Variants in SCHIP1 observed in about 807,000 individuals in gnomAD.
The protein encoded by SCHIP1 is schwannomin interacting protein 1, also known as schwannomin-interacting protein 1.
Under a neutral mutation model 29.7 loss-of-function variants are expected in SCHIP1, and 8 were observed. The ratio of observed to expected loss-of-function variants is 0.27; its 90% CI spans 0.16 to 0.49. The LOEUF (loss-of-function observed/expected upper bound fraction) is 0.49. Ranked by LOEUF, SCHIP1 falls within the 20% of genes least tolerant of loss-of-function variation. SCHIP1 has a pLI of 0.99. For missense variants in SCHIP1, 193 were observed against 294.6 expected (o/e 0.66, Z 2.52); for synonymous variants, 76 against 94.9 (o/e 0.80, Z 1.16).
chr3:159,465,016 A>C, the SCHIP1 span, among the ~76,000 whole-genome samples: 1 of 152,134 alleles, frequency 6.6e-6, no homozygotes, highest in African/African-American at 2.4e-5. Context: ...TCCTTCCTGC[A>C]TGAAAGCAGT....
the SCHIP1 span, among the ~76,000 whole-genome samples, chr3:159,736,696 C>T: frequency 2.6e-5 from 4 of 151,440 alleles, no homozygotes; most frequent in African/African-American, 9.7e-5. Flanking sequence ...GCACTGGGGA[C>T]GTTCTCCCCA....
chr3:159,418,115 A>G, the SCHIP1 span, among the ~76,000 whole-genome samples: 1,356 of 152,342 alleles, frequency 8.9e-3, 15 homozygotes, highest in African/African-American at 0.032. Flanking sequence ...GTAGGTAACT[A>G]ATACGTATGT....
chr3:159,509,287 C>G, the SCHIP1 span, among the ~76,000 whole-genome samples: 1 of 152,294 alleles, frequency 6.6e-6, no homozygotes, highest in South Asian at 2.1e-4. Context: ...ACTAGGATTG[C>G]AACCCCTGCC....
At chr3:159,746,499 A>G in the SCHIP1 span, among the ~76,000 whole-genome samples, 1 of 152,110 alleles carries the variant, frequency 6.6e-6, no homozygotes, top group Non-Finnish European at 1.5e-5. Context: ...TATACTGCTG[A>G]CTGTCTGGCA....
At chr3:159,808,330 C>T in the SCHIP1 span, 1 of 152,218 alleles carries the variant, frequency 6.6e-6, no homozygotes, top group Non-Finnish European at 1.5e-5. Context: ...TCCCCTCTAC[C>T]TTACTAACAG....
the SCHIP1 span, among the ~76,000 whole-genome samples, chr3:159,785,422 G>T: frequency 2.0e-5 from 3 of 152,082 alleles, no homozygotes; most frequent in Non-Finnish European, 4.4e-5. Context: ...CATGTTATCG[G>T]GAGATGGAAT....
chr3:159,593,160 G>A, the SCHIP1 span, among the ~76,000 whole-genome samples: 378 of 152,206 alleles, frequency 2.5e-3, no homozygotes, highest in Non-Finnish European at 4.3e-3. Flanking sequence ...AAGAGATCCT[G>A]GCACTTAGTA....
chr3:159,528,433 C>T, the SCHIP1 span, among the ~76,000 whole-genome samples: 10 of 152,268 alleles, frequency 6.6e-5, no homozygotes, highest in African/African-American at 2.4e-4. Flanking sequence ...GGAAAAAGGG[C>T]CAGCTGCTGC....
At chr3:159,626,166 ATATATCTATC>A in the SCHIP1 span, among the ~76,000 whole-genome samples, 2 of 111,664 alleles carry the variant, frequency 1.8e-5, no homozygotes, top group African/African-American at 1.3e-4. Flanking sequence ...ATATATCTAG[ATATATCTATC>A]TATCTAGATA....
chr3:159,732,429 C>G, the SCHIP1 span, among the ~76,000 whole-genome samples: 1 of 152,246 alleles, frequency 6.6e-6, no homozygotes, highest in Non-Finnish European at 1.5e-5. Flanking sequence ...GTTCCCAAAC[C>G]TTCTCTCCGC....
chr3:159,318,601 T>C, the SCHIP1 span, among the ~76,000 whole-genome samples: 1 of 152,146 alleles, frequency 6.6e-6, no homozygotes, highest in African/African-American at 2.4e-5. Flanking sequence ...AGTTTTCTCT[T>C]CCTCTGTCAA....
At chr3:159,546,915 A>G in the SCHIP1 span, among the ~76,000 whole-genome samples, 6 of 152,194 alleles carry the variant, frequency 3.9e-5, no homozygotes, top group Admixed American at 3.9e-4. Context: ...AAAACAATTT[A>G]TAATCCTTTG....
chr3:159,808,097 A>T, the SCHIP1 span, among the ~76,000 whole-genome samples: 1 of 152,376 alleles, frequency 6.6e-6, no homozygotes, highest in Admixed American at 6.5e-5. Flanking sequence ...ACAGAGTAAG[A>T]GATAGCTTCT....
At chr3:159,494,397 C>T in the SCHIP1 span, among the ~76,000 whole-genome samples, 10 of 151,912 alleles carry the variant, frequency 6.6e-5, no homozygotes, top group East Asian at 3.8e-4. Context: ...ATCAAACAGA[C>T]GCAATAAAAA....
At chr3:159,770,325 T>C in the SCHIP1 span, among the ~76,000 whole-genome samples, 1 of 152,234 alleles carries the variant, frequency 6.6e-6, no homozygotes, top group African/African-American at 2.4e-5. Context: ...AATGATGCTA[T>C]CTTGGCTCAC....
the SCHIP1 span, among the ~76,000 whole-genome samples, chr3:159,396,002 T>C: frequency 1.3e-5 from 2 of 151,944 alleles, no homozygotes; most frequent in Non-Finnish European, 2.9e-5. Flanking sequence ...ATCTGGGTGC[T>C]CCTGTGTTGG....
the SCHIP1 span, among the ~76,000 whole-genome samples, chr3:159,336,727 G>C: frequency 6.6e-6 from 1 of 152,156 alleles, no homozygotes; most frequent in African/African-American, 2.4e-5. Context: ...ACAGTACCGT[G>C]CTGTTTTGGT....
intron 2 of SCHIP1, 131 bp downstream of exon 3, chr3:159,866,412 T>G: frequency 1.2e-6 from 1 of 844,570 alleles, no homozygotes; most frequent in Non-Finnish European, 1.8e-6. Flanking sequence ...GCCATCTTTA[T>G]TTGGGTTTTA....
At chr3:159,410,943 G>A in the SCHIP1 span, among the ~76,000 whole-genome samples, 22 of 152,112 alleles carry the variant, frequency 1.4e-4, no homozygotes, top group Non-Finnish European at 2.1e-4. Context: ...CTATGCAGCC[G>A]TGAAGAAGAA....
Sources: allele counts gnomAD v4.1 joint callset (sites outside exome capture counted in the v4.1 genomes callset), GRCh38; gene constraint gnomAD v4.1.1; transcripts MANE v1.5; gene names NCBI Gene and HGNC (gene_info 2026-07-23, HGNC 2026-07-21).